The following TENM2 variants were observed in gnomAD, a reference collection of about 807,000 sequenced individuals.
TENM2 encodes the protein teneurin transmembrane protein 2.
A neutral mutation model predicts 245.2 loss-of-function variants in TENM2; 52 were observed. The observed-to-expected ratio is 0.21, with a 90% CI of 0.17 to 0.27. The LOEUF (loss-of-function observed/expected upper bound fraction) is 0.27. Among genes scored for constraint, TENM2 ranks in the 10% least tolerant of loss-of-function variants. The pLI is 1.00. For missense variants in TENM2, 3,046 were observed against 3,666.8 expected (o/e 0.83, Z 4.37); for synonymous variants, 1,363 against 1,438.9 (o/e 0.95, Z 1.19).
At chr5:167,381,448 T>A (rs2127334402) in intron 2 of TENM2, among the ~76,000 whole-genome samples, 1 of 152,320 alleles carries the variant, frequency 6.6e-6, no homozygotes, top group African/African-American at 2.4e-5. Context: ...TGAATCCAGT[T>A]TGAATTGTTT....
intron 25 of TENM2, among the ~76,000 whole-genome samples, chr5:168,232,940 C>T (rs1765068379): frequency 6.6e-6 from 1 of 152,176 alleles, no homozygotes; most frequent in Non-Finnish European, 1.5e-5. Context: ...ATTATGCCTC[C>T]CAAGAACTCC....
At chr5:168,165,092 T>A (rs570253665) in intron 13 of TENM2, 1 of 152,348 alleles carries the variant, frequency 6.6e-6, no homozygotes, top group South Asian at 2.1e-4. Context: ...AATAAACAGA[T>A]GTACATACAC....
At chr5:167,655,108 G>A (rs1240332588) in intron 2 of TENM2, among the ~76,000 whole-genome samples, 1 of 152,052 alleles carries the variant, frequency 6.6e-6, no homozygotes, top group African/African-American at 2.4e-5. Flanking sequence ...GCTAGTGTTG[G>A]TTCACTGGTT....
intron 2 of TENM2, among the ~76,000 whole-genome samples, chr5:167,438,248 C>CT (rs976701434): frequency 1.3e-5 from 2 of 152,126 alleles, no homozygotes; most frequent in African/African-American, 2.4e-5. Context: ...TCTGATGTGC[C>CT]TTTTTTTGCT....
chr5:167,539,222 A>T (rs917784985), intron 2 of TENM2, among the ~76,000 whole-genome samples: 3 of 152,180 alleles, frequency 2.0e-5, no homozygotes, highest in Non-Finnish European at 2.9e-5. Context: ...TTCATTTGAG[A>T]AATATTTCAA....
chr5:168,188,102 A>T (rs1760634034), intron 13 of TENM2, among the ~76,000 whole-genome samples: 1 of 152,250 alleles, frequency 6.6e-6, no homozygotes, highest in African/African-American at 2.4e-5. Context: ...AAAGTAATGC[A>T]TTAAAATAAT....
chr5:168,223,876 A>G (rs1352447286), intron 23 of TENM2, among the ~76,000 whole-genome samples: 1 of 152,100 alleles, frequency 6.6e-6, no homozygotes, highest in Non-Finnish European at 1.5e-5. Flanking sequence ...CTATATTTTC[A>G]GAGAATTTCT....
At chr5:168,227,329 G>A (rs1240959695) in intron 24 of TENM2, among the ~76,000 whole-genome samples, 3 of 152,170 alleles carry the variant, frequency 2.0e-5, no homozygotes, top group Admixed American at 6.5e-5. Context: ...GAGTTCTCTT[G>A]AGTGGGGGTG....
At chr5:167,453,134 A>G (rs989465983) in intron 2 of TENM2, among the ~76,000 whole-genome samples, 1 of 151,108 alleles carries the variant, frequency 6.6e-6, no homozygotes, top group Non-Finnish European at 1.5e-5. Flanking sequence ...CCAGAGAGAG[A>G]ACCTGACAAT....
At chr5:167,242,287 T>A in the TENM2 span, among the ~76,000 whole-genome samples, 1 of 152,138 alleles carries the variant, frequency 6.6e-6, no homozygotes, top group Non-Finnish European at 1.5e-5. Flanking sequence ...TGACCTCAGG[T>A]GATCTGTCTG....
intron 2 of TENM2, among the ~76,000 whole-genome samples, chr5:167,669,979 C>T (rs1755828336): frequency 6.6e-6 from 1 of 151,856 alleles, no homozygotes; most frequent in Non-Finnish European, 1.5e-5. Flanking sequence ...TAAAGATAAC[C>T]CTAAATGCAA....
intron 2 of TENM2, among the ~76,000 whole-genome samples, chr5:167,856,290 C>A (rs1368397443): frequency 6.6e-6 from 1 of 152,028 alleles, no homozygotes; most frequent in Non-Finnish European, 1.5e-5. Context: ...ACCTCCCAAG[C>A]AAACATTAAT....
rs1390904311 is a variant in TENM2, at chr5:168,247,792, C to A, written c.6853C>A (p.Leu2285Ile). Reference sequence around the variant, plus strand: ...CATCTTCGAATACAATTCCAAGGGCCTCCTAACAAGAGCCTACAACAAGGC... The same window carrying A: ...CATCTTCGAATACAATTCCAAGGGCATCCTAACAAGAGCCTACAACAAGGC... The change falls in exon 27 of 29, where the codon CTC becomes ATC. Residue 2285 changes from leucine to isoleucine, a missense_variant. By Grantham distance (5) the Leu-to-Ile change is conservative. Transcript: ENST00000518659. This position sits in a 1 kb window ranked among gnomAD's most constrained non-coding sequence, Gnocchi z 7.8. 1 of 1,613,976 alleles carries A rather than the reference C, an allele frequency of 6.2e-7. No homozygotes were observed. Among genetic ancestry groups the A allele is most frequent in the Non-Finnish European group, 8.5e-7 (1 of 1,179,890 alleles).
chr5:167,291,159 TCTC>T (rs1483957873), intron 1 of TENM2, among the ~76,000 whole-genome samples: 1 of 152,222 alleles, frequency 6.6e-6, no homozygotes, highest in Non-Finnish European at 1.5e-5. Flanking sequence ...TTACCTTCCT[TCTC>T]CTGCTCTTTC....
intron 4 of TENM2, among the ~76,000 whole-genome samples, chr5:167,974,643 A>G (rs1012183731): frequency 6.6e-6 from 1 of 152,122 alleles, no homozygotes; most frequent in African/African-American, 2.4e-5. Flanking sequence ...CATTTTCACT[A>G]TTTTCATATG....
chr5:167,212,154 A>T, the TENM2 span, among the ~76,000 whole-genome samples: 1 of 152,150 alleles, frequency 6.6e-6, no homozygotes, highest in Admixed American at 6.6e-5. Flanking sequence ...CCATATTTGA[A>T]ATTACTCTTC....
chr5:167,167,034 G>C, the TENM2 span, among the ~76,000 whole-genome samples: 662 of 152,300 alleles, frequency 4.3e-3, 5 homozygotes, highest in Non-Finnish European at 7.2e-3. Context: ...TCACTTTCAA[G>C]CTGTGGCTAC....
At chr5:167,146,167 T>A in the TENM2 span, among the ~76,000 whole-genome samples, 1 of 152,122 alleles carries the variant, frequency 6.6e-6, no homozygotes. Context: ...TGGGACCCAA[T>A]TATTTATGGA....
At chr5:167,320,430 A>G (rs1756640342) in intron 1 of TENM2, among the ~76,000 whole-genome samples, 1 of 152,230 alleles carries the variant, frequency 6.6e-6, no homozygotes, top group East Asian at 1.9e-4. Flanking sequence ...CTTAAATGAC[A>G]TTTTAGATCC....
Sources: allele counts gnomAD v4.1 joint callset (sites outside exome capture counted in the v4.1 genomes callset), GRCh38; gene constraint gnomAD v4.1.1; non-coding constraint Gnocchi (gnomAD v3.1); transcripts MANE v1.5; gene names NCBI Gene and HGNC (gene_info 2026-07-23, HGNC 2026-07-21).